The following GUK1 variants were observed in gnomAD, a reference collection of about 807,000 sequenced individuals.
GUK1 encodes guanylate kinase.
A neutral mutation model predicts 25.2 loss-of-function variants in GUK1; 18 were observed. That is an observed-to-expected ratio of 0.71 (90% CI 0.49 to 1.06). GUK1 has a LOEUF of 1.06. GUK1 is among the 50% of genes least tolerant of loss of function. The pLI, the probability that GUK1 is intolerant of heterozygous loss-of-function variation, is 0.00. For missense variants in GUK1, 261 were observed against 276.7 expected, an observed-to-expected ratio of 0.94 and a Z score of 0.40; for synonymous variants, 105 against 117.6, an observed-to-expected ratio of 0.89 and a Z score of 0.69.
intron 7 of GUK1, 127 bp from the exon 7 acceptor site, chr1:228,148,244 G>A: frequency 1.3e-6 from 1 of 760,202 alleles, no homozygotes; most frequent in Non-Finnish European, 2.4e-6. Flanking sequence ...GCCCGGCTGG[G>A]CTGGAAAGCT....
Position 228,147,502 on chromosome 1 carries a change from GCC to G in GUK1, c.350_351del (p.Pro117HisfsTer23), listed in dbSNP as rs1405992852. ...GGAACATCAAGGCCACCGATCTGCG[GCC>G]CATCTACATCTCTGTGCAGCCGCCT... On this transcript the variant is annotated frameshift_variant, in exon 6 of 9. Coordinates refer to ENST00000312726, the MANE Select transcript of GUK1 (RefSeq NM_000858.7). LOFTEE classifies it high-confidence loss of function. The G allele has an allele frequency of 6.2e-7, 1 of 1,613,296 alleles. No homozygotes were observed. Among genetic ancestry groups the G allele is most frequent in the Non-Finnish European group, 8.5e-7 (1 of 1,179,964 alleles).
chr1:228,147,889 C>T (rs2034478838), intron 7 of GUK1, among the ~76,000 whole-genome samples, 190 bp downstream of exon 6: 2 of 152,190 alleles, frequency 1.3e-5, no homozygotes, highest in South Asian at 4.1e-4. Flanking sequence ...CCCCCAGTCA[C>T]CAAGGGTCTC....
At chr1:228,146,427 A>G (rs776572965) in intron 4 of GUK1, 162 of 441,978 alleles carry the variant, frequency 3.7e-4, no homozygotes, top group Non-Finnish European at 4.7e-4. Flanking sequence ...CTGATTCAAG[A>G]CAAGGGACCC....
At chr1:228,141,857 T>A in intron 2 of GUK1, 1 of 1,079,396 alleles carries the variant, frequency 9.3e-7, no homozygotes, top group Non-Finnish European at 1.2e-6. Context: ...TTGTGTGGCT[T>A]CTTGCCAGGC....
chr1:228,147,123 G>C (rs975167062), intron 5 of GUK1, among the ~76,000 whole-genome samples, 185 bp downstream of exon 4: 5 of 152,248 alleles, frequency 3.3e-5, no homozygotes, highest in African/African-American at 7.2e-5. Flanking sequence ...GAGGCTGCTG[G>C]GCCCGGTCCT....
upstream of GUK1, chr1:228,140,154 A>G: frequency 1.5e-6 from 1 of 662,084 alleles, no homozygotes; most frequent in Non-Finnish European, 2.5e-6. Flanking sequence ...CTAGCGAGGC[A>G]CTGAGGTAAG....
chr1:228,147,038 C>A, intron 5 of GUK1, 100 bp downstream of exon 4: 1 of 836,070 alleles, frequency 1.2e-6, no homozygotes, highest in Non-Finnish European at 2.1e-6. Context: ...CCACCCACCC[C>A]ATGGTTATGA....
chr1:228,144,611 C>A, intron 2 of GUK1: 1 of 488,546 alleles, frequency 2.0e-6, no homozygotes, highest in Non-Finnish European at 2.7e-6. Flanking sequence ...CAGGGCCAGG[C>A]CCCCTGGGGA....
rs2034026080 is a variant in GUK1, at chr1:228,141,246, T to A, written c.-45T>A. The A allele has an allele frequency of 1.0e-6, 1 of 984,862 alleles. No homozygotes were observed. Among genetic ancestry groups the A allele is most frequent in the African/African-American group, 1.7e-5 (1 of 57,216 alleles). 61.0% of individuals were successfully genotyped at this position (984,862 alleles called of 1,614,324 possible). A position where few individuals can be genotyped will look rare whatever the true frequency, so the allele number is the denominator to read the frequency against. ...CGCAGCATCGTGAAGGGCTGGGGCC[T>A]TCACTCCTCTGTGGCTCTGGAAGAG... On this transcript the variant is annotated 5_prime_UTR_variant, in exon 2 of 9. Transcript: ENST00000312726.
intron 2 of GUK1, among the ~76,000 whole-genome samples, chr1:228,143,971 G>A (rs915289536): frequency 6.6e-6 from 1 of 152,170 alleles, no homozygotes; most frequent in Non-Finnish European, 1.5e-5. Context: ...TTTTAACTGG[G>A]GGTCCGGTGT....
rs763779459 is a variant in GUK1, at chr1:228,148,797, G to A, written c.*100G>A. On this transcript the variant is annotated 3_prime_UTR_variant, in exon 9 of 9. Coordinates refer to ENST00000312726, the MANE Select transcript of GUK1 (RefSeq NM_000858.7). ...GCGATACGGCAGCTCTGTGCCCTTG[G>A]CCAGCATGTGGAGTGGAGGAGATGC... The A allele has an allele frequency of 3.8e-6, 6 of 1,594,830 alleles. No individual in the cohort carries two copies. The South Asian group carries it at 5.6e-5, about 15-fold the overall frequency.
intron 2 of GUK1, among the ~76,000 whole-genome samples, chr1:228,142,375 C>T (rs540769495): frequency 3.3e-5 from 5 of 151,950 alleles, no homozygotes; most frequent in South Asian, 2.1e-4. Flanking sequence ...GGCACAGCTG[C>T]GCAGACAACG....
chr1:228,148,673 G>A lies in GUK1; in HGVS notation c.570G>A (p.Lys190=). 1 of 1,590,786 alleles carries A rather than the reference G, an allele frequency of 6.3e-7. No individual in the cohort carries two copies. Among genetic ancestry groups the A allele is most frequent in the South Asian group, 1.1e-5 (1 of 90,838 alleles). The change falls in exon 9 of 9, where the codon AAG becomes AAA. Residue 190 remains lysine (K), a synonymous_variant. Transcript: ENST00000312726. ...TTCTTCCTCACTGGCAGGAAATCAA[G>A]AAAGCTCAAAGGACCGGCGCCTGAG...
intron 5 of GUK1, 47 bp downstream of exon 4, chr1:228,146,985 A>G (rs760742979): frequency 7.9e-7 from 1 of 1,260,598 alleles, no homozygotes; most frequent in South Asian, 1.2e-5. Flanking sequence ...TGCTGTTGGC[A>G]ACAGGGATCC....
chr1:228,141,719 C>T, intron 2 of GUK1: 1 of 1,317,548 alleles, frequency 7.6e-7, no homozygotes, highest in South Asian at 1.2e-5. Context: ...AGCATGGGAG[C>T]CCAGTCCAGG....
Position 228,140,347 on chromosome 1 carries a change from C to T in GUK1, c.-184C>T. On this transcript the variant is annotated 5_prime_UTR_variant, in exon 1 of 9. Transcript: ENST00000312726. ...CCGGGCTGGCTGCGGCCGCCCTGGG[C>T]CGGGCCCCACCGGACGGTGAGTACG... The T allele has an allele frequency of 1.3e-6, 2 of 1,523,758 alleles. No homozygotes were observed. The highest frequency in any genetic ancestry group is 1.7e-6 in the Non-Finnish European group (2 of 1,143,628). 94.4% of individuals were successfully genotyped at this position (1,523,758 alleles called of 1,614,324 possible).
chr1:228,148,077 A>G (rs1487529357), intron 7 of GUK1: 1 of 577,942 alleles, frequency 1.7e-6, no homozygotes, highest in Non-Finnish European at 3.1e-6. Flanking sequence ...AGAAGAGGGC[A>G]TTTAATGTTC....
At chr1:228,140,882 C>T (rs2034006372) in intron 1 of GUK1, among the ~76,000 whole-genome samples, 1 of 152,370 alleles carries the variant, frequency 6.6e-6, no homozygotes, top group African/African-American at 2.4e-5. Flanking sequence ...ATTTGGGGTT[C>T]GGATTCTCCA....
In GUK1 at chr1:228,146,909, C is replaced by T. The variant is rs750443034; in HGVS notation, c.222C>T (p.Ala74=). Residue 74 remains alanine, a synonymous_variant, in exon 5 of 9, where the codon GCC becomes GCT. Coordinates refer to ENST00000312726, the MANE Select transcript of GUK1 (RefSeq NM_000858.7). ...CAGCCGGCGACTTCATCGAGCATGC[C>T]GAGTTCTCGGGGAACCTGTATGGCA... The T allele has an allele frequency of 3.8e-5, 61 of 1,613,462 alleles. No homozygotes were observed. Among genetic ancestry groups the T allele is most frequent in the Non-Finnish European group, 4.8e-5 (57 of 1,179,580 alleles).
Sources: gnomAD v4.1 joint callset for allele counts (sites outside exome capture counted in the v4.1 genomes callset) on GRCh38, gnomAD v4.1.1 for gene constraint, MANE v1.5 for transcripts, NCBI Gene and HGNC (gene_info 2026-07-23, HGNC 2026-07-21) for gene names.